POU6F2: variants seen among roughly 807,000 people sequenced by gnomAD.
POU6F2 encodes POU domain, class 6, transcription factor 2.
Under a neutral mutation model 71.3 loss-of-function variants are expected in POU6F2, and 31 were observed. That is an observed-to-expected ratio of 0.43 (90% CI 0.33 to 0.59). The LOEUF is 0.59. Ranked by LOEUF, POU6F2 falls within the 20% of genes least tolerant of loss-of-function variation. The pLI is 0.04. For missense variants in POU6F2, 783 were observed against 856.8 expected, an observed-to-expected ratio of 0.91 and a Z score of 1.07; for synonymous variants, 347 against 355.7, an observed-to-expected ratio of 0.98 and a Z score of 0.27.
intron 4 of POU6F2, among the ~76,000 whole-genome samples, chr7:39,260,204 A>G (rs1784105900): frequency 6.8e-6 from 1 of 147,480 alleles, no homozygotes; most frequent in African/African-American, 2.5e-5. Flanking sequence ...ACACAATACC[A>G]CACACACCAC....
chr7:39,244,365 G>T (rs754610462), intron 4 of POU6F2, among the ~76,000 whole-genome samples: 9 of 152,116 alleles, frequency 5.9e-5, no homozygotes, highest in South Asian at 2.1e-4. Context: ...TGATTCTGTG[G>T]CAAGAGCTGA....
intron 1 of POU6F2, among the ~76,000 whole-genome samples, chr7:39,068,306 C>T (rs1052733667): frequency 2.6e-5 from 4 of 152,048 alleles, no homozygotes; most frequent in Admixed American, 1.3e-4. Flanking sequence ...CATCCCCTAA[C>T]GTGCACAGGC....
chr7:39,180,206 A>G (rs375354627), intron 2 of POU6F2, among the ~76,000 whole-genome samples: 1 of 152,212 alleles, frequency 6.6e-6, no homozygotes, highest in Non-Finnish European at 1.5e-5. Flanking sequence ...GTGTGTATCC[A>G]TGCATTCAGA....
chr7:39,256,907 A>T (rs1325945726), intron 4 of POU6F2, among the ~76,000 whole-genome samples: 1 of 152,228 alleles, frequency 6.6e-6, no homozygotes, highest in Non-Finnish European at 1.5e-5. Flanking sequence ...ATTAAAACCC[A>T]TTAAAACCCA....
At chr7:38,989,822 T>C (rs1283845654) in intron 1 of POU6F2, among the ~76,000 whole-genome samples, 1 of 118,322 alleles carries the variant, frequency 8.5e-6, no homozygotes, top group Non-Finnish European at 1.9e-5. Context: ...TGTGTGTGTG[T>C]GTGTTTGTGT....
intron 2 of POU6F2, among the ~76,000 whole-genome samples, chr7:39,159,669 G>A (rs949100206): frequency 6.6e-6 from 1 of 152,122 alleles, no homozygotes; most frequent in Non-Finnish European, 1.5e-5. Flanking sequence ...AGGTACTGTG[G>A]TGGGAAGAGG....
At chr7:39,092,499 T>C (rs1236311151) in intron 2 of POU6F2, among the ~76,000 whole-genome samples, 13 of 152,260 alleles carry the variant, frequency 8.5e-5, no homozygotes. Context: ...TGGTATTTTG[T>C]AGTTGAACAT....
At chr7:39,310,980 A>C (rs560661167) in intron 4 of POU6F2, among the ~76,000 whole-genome samples, 19 of 152,200 alleles carry the variant, frequency 1.2e-4, no homozygotes, top group Non-Finnish European at 1.8e-4. Flanking sequence ...ACTCATCCTG[A>C]ATTGGGGGGA....
At chr7:39,175,941 C>T (rs958426022) in intron 2 of POU6F2, among the ~76,000 whole-genome samples, 3 of 152,196 alleles carry the variant, frequency 2.0e-5, no homozygotes, top group African/African-American at 4.8e-5. Flanking sequence ...GCTTCTCCTT[C>T]CATCTAGGAA....
intron 5 of POU6F2, among the ~76,000 whole-genome samples, chr7:39,390,849 T>C (rs1338213711): frequency 2.6e-5 from 4 of 151,680 alleles, no homozygotes; most frequent in African/African-American, 9.7e-5. Context: ...TTTTTGTTTT[T>C]TGGTTTTTTT....
Position 38,978,073 on chromosome 7 carries a change from A to C in POU6F2, c.105+15A>C, listed in dbSNP as rs182464631. The C allele has an allele frequency of 6.6e-6, 1 of 152,154 alleles. No individual in the cohort carries two copies. Among genetic ancestry groups the C allele is most frequent in the Admixed American group, 6.5e-5 (1 of 15,278 alleles). The allele number at this position is 152,154 out of a possible 1,614,324, so 9.4% of individuals were successfully genotyped here. The stretch of plus-strand genomic sequence containing the variant: ...TAATTGGTCAGGTATGGAGTCAGCC[A>C]TTTCTCAACTCCCCTTTTTTCCACA... On this transcript the variant is annotated intron_variant, in intron 1 of 9. Transcript: ENST00000518318.
intron 1 of POU6F2, among the ~76,000 whole-genome samples, chr7:39,035,334 TTCA>T (rs1250799325): frequency 6.6e-6 from 1 of 152,166 alleles, no homozygotes; most frequent in Admixed American, 6.6e-5. Context: ...TGAGTTTTTC[TTCA>T]TCATGTCACA....
intron 5 of POU6F2, among the ~76,000 whole-genome samples, chr7:39,377,564 G>A (rs531713006): frequency 1.1e-4 from 17 of 152,162 alleles, no homozygotes; most frequent in African/African-American, 2.7e-4. Context: ...GCATATAGGC[G>A]TTGACAGCTT....
intron 4 of POU6F2, among the ~76,000 whole-genome samples, chr7:39,338,278 T>G (rs1278841355): frequency 6.6e-6 from 1 of 152,190 alleles, no homozygotes; most frequent in Non-Finnish European, 1.5e-5. Context: ...AAAATGTGAT[T>G]TTGTAAACTA....
intron 7 of POU6F2, among the ~76,000 whole-genome samples, chr7:39,435,129 A>G (rs1788208581): frequency 6.6e-6 from 1 of 152,194 alleles, no homozygotes; most frequent in African/African-American, 2.4e-5. Flanking sequence ...AAAGATTTAT[A>G]TTATTTTGGG....
intron 2 of POU6F2, among the ~76,000 whole-genome samples, chr7:39,198,545 G>A (rs770516553): frequency 6.6e-6 from 1 of 152,188 alleles, no homozygotes; most frequent in Non-Finnish European, 1.5e-5. Context: ...TAATCAGACA[G>A]TCTTGGTTCT....
chr7:39,040,326 C>A (rs1790167746), intron 1 of POU6F2, among the ~76,000 whole-genome samples: 1 of 150,252 alleles, frequency 6.7e-6, no homozygotes, highest in Admixed American at 6.7e-5. Flanking sequence ...AAATCTGAGA[C>A]ATAAAATTTC....
chr7:39,207,203 C>T (rs1202292835), intron 3 of POU6F2, among the ~76,000 whole-genome samples, 189 bp from the exon 4 acceptor site: 1 of 151,924 alleles, frequency 6.6e-6, no homozygotes, highest in Non-Finnish European at 1.5e-5. Flanking sequence ...TGAAATTTTC[C>T]AAAGAAATCA....
intron 1 of POU6F2, among the ~76,000 whole-genome samples, chr7:38,982,087 C>T (rs1193336568): frequency 6.6e-6 from 1 of 152,124 alleles, no homozygotes; most frequent in African/African-American, 2.4e-5. Context: ...TCTCATAACA[C>T]ATTTGAAGAT....
Sources: allele counts gnomAD v4.1 joint callset (sites outside exome capture counted in the v4.1 genomes callset), GRCh38; gene constraint gnomAD v4.1.1; transcripts MANE v1.5; gene names NCBI Gene and HGNC (gene_info 2026-07-23, HGNC 2026-07-21).